Variants in GPR37 observed in about 807,000 individuals in gnomAD.
The protein encoded by GPR37 is G protein-coupled receptor 37, also known as prosaposin receptor GPR37.
In GPR37, 20 loss-of-function variants were observed where a neutral mutation model predicts 43.6. The observed-to-expected ratio is 0.46, with a 90% CI of 0.32 to 0.67. The LOEUF (loss-of-function observed/expected upper bound fraction) is 0.67. Among genes scored for constraint, GPR37 ranks in the 30% least tolerant of loss-of-function variants. The pLI is 0.03. For synonymous variants in GPR37, 315 were observed against 322.6 expected (o/e 0.98, Z 0.25); for missense variants, 724 against 797.2 (o/e 0.91, Z 1.11).
chr7:124,763,951 T>A lies in GPR37; in HGVS notation c.1023+3A>T. Reference sequence around the variant, plus strand: ...TAGCTTGAGAGCCCCTGGAAGGCATTACCTCTATATAGGGCACGATCTTGC... The same window carrying A: ...TAGCTTGAGAGCCCCTGGAAGGCATAACCTCTATATAGGGCACGATCTTGC... On this transcript the variant is annotated splice_donor_region_variant and intron_variant, in intron 1 of 1. Transcript: ENST00000303921. The A allele has an allele frequency of 6.2e-7, 1 of 1,613,348 alleles. No homozygotes were observed. The highest frequency in any genetic ancestry group is 2.2e-5 in the East Asian group (1 of 44,848).
At chr7:124,763,044 C>T (rs971395689) in intron 1 of GPR37, among the ~76,000 whole-genome samples, 1 of 152,186 alleles carries the variant, frequency 6.6e-6, no homozygotes, top group African/African-American at 2.4e-5. Flanking sequence ...CCACCTACCA[C>T]AATAGTGGGC....
In GPR37 at chr7:124,764,789, G is replaced by A; in HGVS notation, c.188C>T (p.Ala63Val). The A allele has an allele frequency of 6.2e-7, 1 of 1,613,458 alleles. No homozygotes were observed. Among genetic ancestry groups the A allele is most frequent in the Non-Finnish European group, 8.5e-7 (1 of 1,179,998 alleles). The part of the protein sequence containing the change: ...GRDAWGPGNS[A>V]RDVLRARAPR... ...TGCTCGGGCTCGCAGAACGTCTCTTGCAGAATTTCCCGGTCCCCAGGCGTC... is the reference window on the plus strand; with the variant it reads ...TGCTCGGGCTCGCAGAACGTCTCTTACAGAATTTCCCGGTCCCCAGGCGTC... The change falls in exon 1 of 2, where the codon GCA becomes GTA. Residue 63 changes from alanine (A) to valine (V), a missense_variant. Ala to Val is a moderately conservative substitution (Grantham distance 64). This residue lies in a region of GPR37 where 382 missense variants were observed against 355.4 expected (regional missense o/e 1.07). Coordinates refer to ENST00000303921, the MANE Select transcript of GPR37 (RefSeq NM_005302.5). This position sits in a 1 kb window ranked among gnomAD's most constrained non-coding sequence, Gnocchi z 5.4.
chr7:124,764,352 C>T lies in GPR37; in HGVS notation c.625G>A (p.Gly209Arg). ...CGGCCCGGGAGTGCAATTGTCCACCCTTCGTGCCCCGCCAGTCCATTGGCC... is the reference window on the plus strand; with the variant it reads ...CGGCCCGGGAGTGCAATTGTCCACCTTTCGTGCCCCGCCAGTCCATTGGCC... ...KTANGLAGHEGWTIALPGRAL... is the reference protein window; with the variant it reads ...KTANGLAGHERWTIALPGRAL... The change falls in exon 1 of 2, where the codon GGG becomes AGG. Residue 209 changes from glycine to arginine, a missense_variant. Transcript: ENST00000303921. The surrounding 1 kb of genome is among the most constrained non-coding windows in gnomAD (Gnocchi z 5.4). 2 of 1,613,250 alleles carry T rather than the reference C, an allele frequency of 1.2e-6. No individual in the cohort carries two copies. Among genetic ancestry groups the T allele is most frequent in the Non-Finnish European group, 1.7e-6 (2 of 1,179,932 alleles).
chr7:124,751,019 C>A (rs986876544), intron 1 of GPR37, among the ~76,000 whole-genome samples: 5 of 152,092 alleles, frequency 3.3e-5, no homozygotes, highest in African/African-American at 1.2e-4. Context: ...TTTGATAAAT[C>A]ATGAATTAAG....
Position 124,759,504 on chromosome 7 carries a change from C to T in GPR37, c.1023+4450G>A, listed in dbSNP as rs1036794015. ...CCCTAATACACATAAAAGCACACTA[C>T]ATATACAAGTTTTGTTTTGAGTATA... is the stretch of plus-strand genomic sequence containing the variant. On this transcript the variant is annotated intron_variant, in intron 1 of 1. Coordinates refer to ENST00000303921, the MANE Select transcript of GPR37 (RefSeq NM_005302.5). Among the ~76,000 whole-genome samples, 4 of 152,326 alleles carry T rather than the reference C, an allele frequency of 2.6e-5. No homozygotes were observed. In the South Asian group the frequency reaches 8.3e-4, roughly 32 times the overall value.
In GPR37 at chr7:124,746,673, C is replaced by G. The variant is rs758728351; in HGVS notation, c.1694G>C (p.Cys565Ser). ...PFSRAFMECC[C>S]CCCEECIQKS... ...CTGAATGCATTCCTCACAGCAACAG[C>G]AGCAGCACTCCATGAAGGCCCGACT... Residue 565 changes from cysteine to serine, a missense_variant, in exon 2 of 2, where the codon TGC becomes TCC. By Grantham distance (112) the Cys-to-Ser change is moderately radical (BLOSUM62 -1). This residue lies in a region of GPR37 where 342 missense variants were observed against 441.8 expected (regional missense o/e 0.77). Coordinates refer to ENST00000303921, the MANE Select transcript of GPR37 (RefSeq NM_005302.5). The G allele has an allele frequency of 6.2e-7, 1 of 1,613,952 alleles. No homozygotes were observed.
intron 1 of GPR37, among the ~76,000 whole-genome samples, chr7:124,748,130 G>A (rs936010014): frequency 6.6e-6 from 1 of 152,086 alleles, no homozygotes; most frequent in East Asian, 1.9e-4. Context: ...TGTGGGTGGG[G>A]ATTGGGTCAA....
chr7:124,763,902 A>T (rs1371772355), intron 1 of GPR37, 52 bp downstream of exon 1: 13 of 1,529,968 alleles, frequency 8.5e-6, no homozygotes, highest in Non-Finnish European at 1.2e-5. Flanking sequence ...CTGATGCTAT[A>T]ATCCCGAAAA....
Position 124,765,141 on chromosome 7 carries a change from C to T in GPR37, c.-165G>A, listed in dbSNP as rs1478592721. 1 of 567,918 alleles carries T rather than the reference C, an allele frequency of 1.8e-6. No individual in the cohort carries two copies. The highest frequency in any genetic ancestry group is 2.0e-5 in the African/African-American group (1 of 51,090). 35.2% of individuals were successfully genotyped at this position (567,918 alleles called of 1,614,324 possible). A position where few individuals can be genotyped will look rare whatever the true frequency, so the allele number is the denominator to read the frequency against. On this transcript the variant is annotated 5_prime_UTR_variant, in exon 1 of 2. Coordinates refer to ENST00000303921, the MANE Select transcript of GPR37 (RefSeq NM_005302.5). ...ATAGCGGAAGATCGGTCTTGGGGGT[C>T]ACACACACGCCCCCTATAATCCTTC...
rs866101491 is a variant in GPR37 at position 124,743,974 on chromosome 7, T to C, written c.*2551A>G. ...ATTTTTTAAAAGTATATTATAGAAATTGGTTTTTGTGAAAAACACAAGACG... is the reference window on the plus strand; with the variant it reads ...ATTTTTTAAAAGTATATTATAGAAACTGGTTTTTGTGAAAAACACAAGACG... On this transcript the variant is annotated 3_prime_UTR_variant, in exon 2 of 2. Coordinates refer to ENST00000303921, the MANE Select transcript of GPR37 (RefSeq NM_005302.5). 2.0e-5 allele frequency: 3 copies of C among 151,654 alleles called. No homozygotes were observed. Among genetic ancestry groups the C allele is most frequent in the Admixed American group, 2.0e-4 (3 of 15,188 alleles). 9.4% of individuals were successfully genotyped at this position (151,654 alleles called of 1,614,324 possible).
Position 124,755,768 on chromosome 7 carries a change from C to G in GPR37, c.1023+8186G>C, listed in dbSNP as rs3823672. Among the ~76,000 whole-genome samples the G allele has an allele frequency of 6.2e-4, 94 of 152,214 alleles. No individual in the cohort carries two copies. In the East Asian group the frequency reaches 0.011, roughly 18 times the overall value. ...TTCAAAATGTAATATTTCCCCCAAG[C>G]CCACAGTCCAGTTCTCAATCTTTGG... On this transcript the variant is annotated intron_variant, in intron 1 of 1. Transcript: ENST00000303921.
At chr7:124,752,729 T>A (rs1224995796) in intron 1 of GPR37, among the ~76,000 whole-genome samples, 1 of 152,160 alleles carries the variant, frequency 6.6e-6, no homozygotes, top group East Asian at 1.9e-4. Context: ...ATGATCCAAT[T>A]CTTTGCAAAT....
Position 124,747,121 on chromosome 7 carries a change from C to T in GPR37, c.1246G>A (p.Ala416Thr), listed in dbSNP as rs771473340. The T allele has an allele frequency of 3.1e-6, 5 of 1,613,836 alleles. No homozygotes were observed. The highest frequency in any genetic ancestry group is 4.2e-6 in the Non-Finnish European group (5 of 1,179,920). ...EDLGFSGRAPAERCIIKISPD... is the reference protein window; with the variant it reads ...EDLGFSGRAPTERCIIKISPD... ...GAGATCTTAATAATGCACCTTTCTG[C>T]CGGAGCTCGGCCACTAAACCCCAAA... is the stretch of plus-strand genomic sequence containing the variant. Residue 416 changes from alanine to threonine, a missense_variant, in exon 2 of 2, where the codon GCA becomes ACA. Coordinates refer to ENST00000303921, the MANE Select transcript of GPR37 (RefSeq NM_005302.5).
In GPR37 at chr7:124,764,547, G is replaced by A. The variant is rs1434748941; in HGVS notation, c.430C>T (p.Leu144Phe). 6.2e-7 allele frequency: 1 copy of A among 1,613,550 alleles called. No individual in the cohort carries two copies. Among genetic ancestry groups the A allele is most frequent in the East Asian group, 2.2e-5 (1 of 44,862 alleles). ...TCCTCCTCTGAGATCTGAAGGAAGA[G>A]CTGGAGGGCCGTGGGGTTCCCTCTC... is the stretch of plus-strand genomic sequence containing the variant. The part of the protein sequence containing the change: ...LGRGNPTALQ[L>F]FLQISEEEEK... Residue 144 changes from leucine to phenylalanine, a missense_variant, in exon 1 of 2, where the codon CTC (leucine) becomes TTC (phenylalanine). Coordinates refer to ENST00000303921, the MANE Select transcript of GPR37 (RefSeq NM_005302.5). The surrounding 1 kb of genome is among the most constrained non-coding windows in gnomAD (Gnocchi z 5.4).
intron 1 of GPR37, among the ~76,000 whole-genome samples, chr7:124,748,202 A>G (rs1026214274): frequency 6.6e-6 from 1 of 152,086 alleles, no homozygotes; most frequent in Non-Finnish European, 1.5e-5. Context: ...AAAGGGAAAA[A>G]AGAGAGAGAG....
Position 124,764,674 on chromosome 7 carries a change from C to T in GPR37, c.303G>A (p.Gly101=), listed in dbSNP as rs750206983. Residue 101 remains glycine (G), a synonymous_variant, in exon 1 of 2, where the codon GGG becomes GGA. Coordinates refer to ENST00000303921, the MANE Select transcript of GPR37 (RefSeq NM_005302.5). The surrounding 1 kb of genome is among the most constrained non-coding windows in gnomAD (Gnocchi z 5.4). The part of the protein sequence containing the change: ...APGRDPAAGR[G]AEASAAGPPG... ...GGGGTCCGGCTGCCGACGCCTCCGC[C>T]CCTCTGCCTGCAGCCGGGTCACGGC... The T allele has an allele frequency of 1.9e-6, 3 of 1,590,162 alleles. No homozygotes were observed. In the East Asian group the frequency reaches 6.7e-5, roughly 36 times the overall value.
Position 124,764,566 on chromosome 7 carries a change from C to G in GPR37, c.411G>C (p.Gly137=), listed in dbSNP as rs1049780218. The change falls in exon 1 of 2, where the codon GGG becomes GGC. Residue 137 remains glycine (G), a synonymous_variant. Coordinates refer to ENST00000303921, the MANE Select transcript of GPR37 (RefSeq NM_005302.5). This position sits in a 1 kb window ranked among gnomAD's most constrained non-coding sequence, Gnocchi z 5.4. ...GQEPSETLGR[G]NPTALQLFLQ... The stretch of plus-strand genomic sequence containing the variant: ...GGAAGAGCTGGAGGGCCGTGGGGTT[C>G]CCTCTCCCCAAAGTTTCAGAAGGCT... 6 of 1,612,590 alleles carry G rather than the reference C, an allele frequency of 3.7e-6. No individual in the cohort carries two copies. The highest frequency in any genetic ancestry group is 1.7e-5 in the Admixed American group (1 of 59,966).
At chr7:124,759,146 AG>A (rs1263162850) in intron 1 of GPR37, among the ~76,000 whole-genome samples, 2 of 150,360 alleles carry the variant, frequency 1.3e-5, no homozygotes, top group African/African-American at 2.5e-5. Context: ...GGATCACTGC[AG>A]CTTCAACCTC....
chr7:124,760,516 G>A (rs933761438), intron 1 of GPR37, among the ~76,000 whole-genome samples: 34 of 152,098 alleles, frequency 2.2e-4, no homozygotes, highest in African/African-American at 7.2e-4. Flanking sequence ...ACTACCAATT[G>A]CAGAACTTAC....
Sources: gnomAD v4.1 joint callset for allele counts (sites outside exome capture counted in the v4.1 genomes callset) on GRCh38, gnomAD v4.1.1 for gene constraint, gnomAD v4.1.1 regional missense constraint, Gnocchi (gnomAD v3.1) non-coding constraint, MANE v1.5 for transcripts, NCBI Gene and HGNC (gene_info 2026-07-23, HGNC 2026-07-21) for gene names.